Variants in CNTNAP2 observed in about 807,000 individuals in gnomAD.
CNTNAP2 encodes the protein contactin-associated protein-like 2.
Under a neutral mutation model 155.2 loss-of-function variants are expected in CNTNAP2, and 98 were observed. The ratio of observed to expected loss-of-function variants is 0.63; its 90% CI spans 0.54 to 0.75. The LOEUF is 0.75. Ranked by LOEUF, CNTNAP2 falls within the 30% of genes least tolerant of loss-of-function variation. CNTNAP2 has a pLI of 0.00. For synonymous variants in CNTNAP2, 651 were observed against 631.2 expected (o/e 1.03, Z -0.47); for missense variants, 1,727 against 1,688.1 (o/e 1.02, Z -0.40).
At chr7:146,207,952 A>G (rs1007854006) in intron 1 of CNTNAP2, among the ~76,000 whole-genome samples, 3 of 152,024 alleles carry the variant, frequency 2.0e-5, no homozygotes, top group African/African-American at 4.8e-5. Flanking sequence ...AAATTTTAGT[A>G]TATTTCCTGC....
chr7:146,751,811 T>C (rs1461560959), intron 1 of CNTNAP2, among the ~76,000 whole-genome samples: 2 of 152,092 alleles, frequency 1.3e-5, no homozygotes, highest in East Asian at 2.0e-4. Flanking sequence ...GTGTATGTTG[T>C]TCCCCTCGCT....
chr7:147,702,874 C>G (rs996423420), intron 13 of CNTNAP2, among the ~76,000 whole-genome samples: 1 of 152,266 alleles, frequency 6.6e-6, no homozygotes, highest in South Asian at 2.1e-4. Flanking sequence ...TCATTTTGTA[C>G]TGGGCTTTGC....
intron 13 of CNTNAP2, among the ~76,000 whole-genome samples, chr7:147,890,255 G>A (rs902177902): frequency 6.6e-5 from 10 of 152,050 alleles, no homozygotes; most frequent in African/African-American, 2.4e-4. Flanking sequence ...AAACTTGAGG[G>A]ATATTCCTAA....
intron 15 of CNTNAP2, among the ~76,000 whole-genome samples, chr7:148,005,372 C>A (rs1801957379): frequency 6.6e-6 from 1 of 152,156 alleles, no homozygotes; most frequent in Admixed American, 6.5e-5. Context: ...AGGGTTTTAG[C>A]ATAGGAATTT....
At chr7:146,719,191 C>G (rs925284278) in intron 1 of CNTNAP2, among the ~76,000 whole-genome samples, 2 of 152,140 alleles carry the variant, frequency 1.3e-5, no homozygotes, top group Non-Finnish European at 2.9e-5. Flanking sequence ...TCACATCATT[C>G]TGTCTGCCCC....
intron 13 of CNTNAP2, among the ~76,000 whole-genome samples, chr7:147,848,182 G>T (rs1008690668): frequency 2.8e-5 from 4 of 140,622 alleles, no homozygotes; most frequent in African/African-American, 7.7e-5. Context: ...AATGGCGGGC[G>T]CCCCTCCCCC....
chr7:146,803,240 G>A (rs1375595032), intron 2 of CNTNAP2, among the ~76,000 whole-genome samples: 1 of 152,112 alleles, frequency 6.6e-6, no homozygotes, highest in Non-Finnish European at 1.5e-5. Flanking sequence ...CAGATATCTA[G>A]CAAAAGGGAA....
intron 23 of CNTNAP2, among the ~76,000 whole-genome samples, chr7:148,414,099 T>TTTC (rs1799921560): frequency 8.7e-6 from 1 of 115,176 alleles, no homozygotes; most frequent in African/African-American, 3.3e-5. Context: ...TTAGACAGAG[T>TTTC]CCCCCCCCCC....
At chr7:147,856,493 G>A (rs1014613302) in intron 13 of CNTNAP2, among the ~76,000 whole-genome samples, 6 of 152,120 alleles carry the variant, frequency 3.9e-5, no homozygotes, top group East Asian at 1.9e-4. Flanking sequence ...CTCTATGTTC[G>A]AAGGCAGGGA....
At chr7:146,823,223 A>G (rs542724247) in intron 2 of CNTNAP2, among the ~76,000 whole-genome samples, 1 of 150,212 alleles carries the variant, frequency 6.7e-6, no homozygotes, top group South Asian at 2.1e-4. Context: ...ATATGAGTAT[A>G]CTCATTCTTC....
chr7:146,424,375 A>G (rs1796056356), intron 1 of CNTNAP2, among the ~76,000 whole-genome samples: 1 of 152,172 alleles, frequency 6.6e-6, no homozygotes, highest in African/African-American at 2.4e-5. Flanking sequence ...ACTCAGTGCA[A>G]CCTTCCAAGA....
At chr7:148,415,311 T>C in intron 23 of CNTNAP2, 106 bp from the exon 24 acceptor site, 1 of 1,158,618 alleles carries the variant, frequency 8.6e-7, no homozygotes, top group Non-Finnish European at 1.3e-6. Context: ...GGTTGTGTTT[T>C]ATATGGGAGA....
At chr7:146,709,664 T>C (rs1010095996) in intron 1 of CNTNAP2, among the ~76,000 whole-genome samples, 4 of 152,136 alleles carry the variant, frequency 2.6e-5, no homozygotes, top group African/African-American at 9.7e-5. Context: ...AGTCTGGATG[T>C]CTCCAGCTTG....
chr7:148,229,613 A>G, intron 19 of CNTNAP2, 33 bp from the exon 20 acceptor site: 1 of 1,613,802 alleles, frequency 6.2e-7, no homozygotes, highest in Non-Finnish European at 8.5e-7. Context: ...TTTAGGGCAA[A>G]CAAATTACTG....
rs145948567 is a variant in CNTNAP2, at chr7:146,294,315, C to T, written c.97+177342C>T. 4.2e-3 allele frequency among the ~76,000 whole-genome samples: 636 copies of T among 152,232 alleles called. 6 individuals are homozygous for T. Among genetic ancestry groups the T allele is most frequent in the Non-Finnish European group, 6.3e-3 (427 of 68,012 alleles). On this transcript the variant is annotated intron_variant, in intron 1 of 23. Transcript: ENST00000361727. ...AACTTTTACCCAGAGCCTACCCAGC[C>T]GGACTGCGCAAAGGACTGATGAGAC...
intron 13 of CNTNAP2, among the ~76,000 whole-genome samples, chr7:147,815,727 A>G (rs892858358): frequency 1.3e-5 from 2 of 152,198 alleles, no homozygotes; most frequent in Non-Finnish European, 2.9e-5. Context: ...TTAAAGGGCC[A>G]TTATGCTGCT....
chr7:146,508,871 C>T (rs1308763371), intron 1 of CNTNAP2, among the ~76,000 whole-genome samples: 16 of 152,236 alleles, frequency 1.1e-4, no homozygotes, highest in Non-Finnish European at 1.5e-5. Flanking sequence ...AACCAATCCA[C>T]ATATGTGTAT....
chr7:146,657,084 CTG>C (rs1381930169), intron 1 of CNTNAP2, among the ~76,000 whole-genome samples: 2 of 152,138 alleles, frequency 1.3e-5, no homozygotes, highest in Admixed American at 6.5e-5. Flanking sequence ...GTAGCTCTCT[CTG>C]TGTGTGTGAA....
chr7:148,409,079 A>T (rs1486283807), intron 22 of CNTNAP2, among the ~76,000 whole-genome samples: 1 of 152,232 alleles, frequency 6.6e-6, no homozygotes. Flanking sequence ...TGTAAGAAAC[A>T]TATTCAAATG....
Sources: allele counts gnomAD v4.1 joint callset (sites outside exome capture counted in the v4.1 genomes callset), GRCh38; gene constraint gnomAD v4.1.1; transcripts MANE v1.5; gene names NCBI Gene and HGNC (gene_info 2026-07-23, HGNC 2026-07-21).